Variants in DENND1A observed in about 807,000 individuals in gnomAD.
The protein encoded by DENND1A is DENN domain-containing protein 1A.
A neutral mutation model predicts 113.7 loss-of-function variants in DENND1A; 51 were observed. The ratio of observed to expected loss-of-function variants is 0.45; its 90% CI spans 0.36 to 0.57. The LOEUF is 0.57. Among genes scored for constraint, DENND1A ranks in the 20% least tolerant of loss-of-function variants. DENND1A has a pLI of 0.00. For missense variants in DENND1A, 1,258 were observed against 1,395.9 expected, an observed-to-expected ratio of 0.90 and a Z score of 1.57; for synonymous variants, 565 against 570.8, an observed-to-expected ratio of 0.99 and a Z score of 0.14.
In DENND1A at chr9:123,588,620, C is replaced by CAA. The variant is rs546095119; in HGVS notation, c.766-5352_766-5351dup. Among the ~76,000 whole-genome samples, 264 of 51,260 alleles carry CAA rather than the reference C, an allele frequency of 5.2e-3. 2 individuals are homozygous for CAA. Among genetic ancestry groups the CAA allele is most frequent in the Non-Finnish European group, 7.4e-3 (220 of 29,738 alleles). 33.6% of individuals were successfully genotyped at this position (51,260 alleles called of 152,430 possible). ...AGGTGACAAGAGTGAAACTCCATCT[C>CAA]AAAAAAAAAAAAAGGGGGGGGGGGA... On this transcript the variant is annotated intron_variant, in intron 11 of 23. Coordinates refer to ENST00000394215, the MANE Select transcript of DENND1A (RefSeq NM_001352964.2).
intron 2 of DENND1A, among the ~76,000 whole-genome samples, chr9:123,828,848 TAC>T: frequency 6.6e-6 from 1 of 152,310 alleles, no homozygotes. Flanking sequence ...AGAACTGTCA[TAC>T]AGTTTCTAAA....
intron 13 of DENND1A, among the ~76,000 whole-genome samples, chr9:123,498,249 T>C (rs1032748088): frequency 7.2e-5 from 11 of 152,374 alleles, no homozygotes; most frequent in African/African-American, 2.6e-4. Context: ...ACTAGCTTTC[T>C]ACACATTCTC....
chr9:123,424,368 G>A (rs1240621255), intron 19 of DENND1A, among the ~76,000 whole-genome samples: 1 of 152,160 alleles, frequency 6.6e-6, no homozygotes, highest in Non-Finnish European at 1.5e-5. Flanking sequence ...CAGTTCCCAC[G>A]CAGGACATCC....
chr9:123,555,795 C>G (rs952383763), intron 13 of DENND1A, among the ~76,000 whole-genome samples: 1 of 152,176 alleles, frequency 6.6e-6, no homozygotes, highest in East Asian at 1.9e-4. Flanking sequence ...AAACTCCTCC[C>G]GTGGAGGAGC....
At position 123,644,378 on chromosome 9, in the gene DENND1A, C is replaced by CAAA. The variant is rs10541486; in HGVS notation, c.618+7632_618+7634dup. On this transcript the variant is annotated intron_variant, in intron 9 of 23. Transcript: ENST00000394215. ...AGTGGTCTTGGAGCTTTACAAGCTA[C>CAAA]AAAAAAAAAAAAAAAAAAAAAAAAC... Among the ~76,000 whole-genome samples the CAAA allele has an allele frequency of 1.9e-3, 161 of 83,700 alleles. 2 individuals are homozygous for CAAA. Among genetic ancestry groups the CAAA allele is most frequent in the South Asian group, 4.1e-3 (7 of 1,718 alleles). 54.9% of individuals were successfully genotyped at this position (83,700 alleles called of 152,430 possible).
intron 13 of DENND1A, among the ~76,000 whole-genome samples, chr9:123,489,960 C>G (rs1326340669): frequency 6.6e-6 from 1 of 152,124 alleles, no homozygotes; most frequent in Admixed American, 6.5e-5. Flanking sequence ...CTGATAAAAT[C>G]TGTAAAGAAG....
At chr9:123,485,430 G>C (rs1051509949) in intron 13 of DENND1A, 33 of 152,154 alleles carry the variant, frequency 2.2e-4, no homozygotes, top group Non-Finnish European at 1.9e-4. Context: ...AGGTGTAAAG[G>C]GGGTAGGGGC....
At position 123,383,886 on chromosome 9, in the gene DENND1A, C is replaced by A; in HGVS notation, c.1788G>T (p.Glu596Asp). 8.7e-6 allele frequency: 14 copies of A among 1,612,216 alleles called. No homozygotes were observed. The highest frequency in any genetic ancestry group is 1.2e-5 in the Non-Finnish European group (14 of 1,179,840). Residue 596 changes from glutamate to aspartate, a missense_variant, in exon 23 of 24, where the codon GAG (glutamate) becomes GAT (aspartate). This residue lies in a region of DENND1A where 1,159 missense variants were observed against 1,231.7 expected (regional missense o/e 0.94). Transcript: ENST00000394215. ...EWPQPYRTLR[E>D]SDSAEGDEAE... Reference sequence around the variant, plus strand: ...CCTCGTCGCCTTCCGCGCTGTCTGACTCCCTGAGTGTCCGATACGGCTGCG... The same window carrying A: ...CCTCGTCGCCTTCCGCGCTGTCTGAATCCCTGAGTGTCCGATACGGCTGCG...
intron 18 of DENND1A, among the ~76,000 whole-genome samples, chr9:123,448,228 G>C (rs936396066): frequency 2.0e-5 from 3 of 152,196 alleles, no homozygotes; most frequent in Non-Finnish European, 4.4e-5. Context: ...AAGGGAGAGA[G>C]AGTGGAAGGA....
rs72757138 is a variant in DENND1A, at chr9:123,808,732, A to G, written c.89-16102T>C. ...TACAGACTTGATAAAAAAACTAGCA[A>G]CAGGAATCCACTCATCAAAGTTCCT... On this transcript the variant is annotated intron_variant, in intron 2 of 23. Coordinates refer to ENST00000394215, the MANE Select transcript of DENND1A (RefSeq NM_001352964.2). 5.1e-3 allele frequency among the ~76,000 whole-genome samples: 779 copies of G among 152,242 alleles called. 1 individual carries two copies. The highest frequency in any genetic ancestry group is 8.4e-3 in the Non-Finnish European group (569 of 68,004).
At chr9:123,856,689 G>A (rs555551708) in intron 2 of DENND1A, among the ~76,000 whole-genome samples, 31 of 152,152 alleles carry the variant, frequency 2.0e-4, no homozygotes, top group Admixed American at 7.2e-4. Context: ...CCACACAGAA[G>A]GACCAGCCTG....
chr9:123,594,126 T>C (rs1016092969), intron 11 of DENND1A, among the ~76,000 whole-genome samples: 1 of 152,204 alleles, frequency 6.6e-6, no homozygotes, highest in African/African-American at 2.4e-5. Context: ...TTCTTTATAG[T>C]CGTGTGAGAA....
intron 13 of DENND1A, among the ~76,000 whole-genome samples, chr9:123,481,257 T>C (rs982384956): frequency 6.6e-6 from 1 of 152,232 alleles, no homozygotes; most frequent in Non-Finnish European, 1.5e-5. Flanking sequence ...AAAATATGCA[T>C]GTGTGAGCTA....
At chr9:123,441,570 G>C (rs764755400) in intron 18 of DENND1A, among the ~76,000 whole-genome samples, 1 of 152,164 alleles carries the variant, frequency 6.6e-6, no homozygotes, top group Non-Finnish European at 1.5e-5. Flanking sequence ...CCATGGCTCC[G>C]GTGGCTGAAG....
intron 19 of DENND1A, among the ~76,000 whole-genome samples, chr9:123,423,993 G>C (rs1463666187): frequency 6.6e-6 from 1 of 152,202 alleles, no homozygotes; most frequent in South Asian, 2.1e-4. Flanking sequence ...AACCTGGAGG[G>C]AAGGAGCCAT....
intron 2 of DENND1A, among the ~76,000 whole-genome samples, chr9:123,856,498 G>A (rs1251415703): frequency 6.6e-6 from 1 of 152,166 alleles, no homozygotes; most frequent in Non-Finnish European, 1.5e-5. Flanking sequence ...AGTTTGAGAA[G>A]CGTGTCCATG....
intron 5 of DENND1A, among the ~76,000 whole-genome samples, chr9:123,687,841 G>A (rs141444869): frequency 1.8e-4 from 27 of 152,262 alleles, no homozygotes; most frequent in Admixed American, 4.6e-4. Flanking sequence ...AAAGCTTCAC[G>A]GCTATCTAAT....
intron 8 of DENND1A, among the ~76,000 whole-genome samples, chr9:123,656,216 G>A (rs2062937591): frequency 6.6e-6 from 1 of 152,012 alleles, no homozygotes; most frequent in African/African-American, 2.4e-5. Context: ...GGAGAGGAGC[G>A]CACACGCAGG....
chr9:123,600,158 C>T (rs2059879269), intron 11 of DENND1A, among the ~76,000 whole-genome samples: 2 of 152,146 alleles, frequency 1.3e-5, no homozygotes, highest in South Asian at 2.1e-4. Flanking sequence ...GAAAAAGTCA[C>T]TCATTAGAAA....
Sources: gnomAD v4.1 joint callset for allele counts (sites outside exome capture counted in the v4.1 genomes callset) on GRCh38, gnomAD v4.1.1 for gene constraint, gnomAD v4.1.1 regional missense constraint, MANE v1.5 for transcripts, NCBI Gene and HGNC (gene_info 2026-07-23, HGNC 2026-07-21) for gene names.